Variants in SLF1 observed in about 807,000 individuals in gnomAD.
SLF1 encodes SMC5-SMC6 complex localization factor protein 1.
A neutral mutation model predicts 123.0 loss-of-function variants in SLF1; 105 were observed. The observed-to-expected ratio is 0.85, with a 90% CI of 0.73 to 1.00. The LOEUF is 1.00. Ranked by LOEUF, SLF1 falls within the 50% of genes least tolerant of loss-of-function variation. The pLI, the probability that SLF1 is intolerant of heterozygous loss-of-function variation, is 0.00. For synonymous variants in SLF1, 434 were observed against 406.6 expected (o/e 1.07, Z -0.81); for missense variants, 1,239 against 1,223.0 (o/e 1.01, Z -0.20).
chr5:94,649,178 C>G (rs1747398935), intron 5 of SLF1, among the ~76,000 whole-genome samples: 3 of 152,048 alleles, frequency 2.0e-5, no homozygotes, highest in Admixed American at 2.0e-4. Flanking sequence ...TATTTTTGTT[C>G]TTGGTTATTC....
intron 8 of SLF1, 147 bp downstream of exon 8, chr5:94,653,568 G>T (rs752757086): frequency 5.1e-5 from 34 of 664,460 alleles, no homozygotes; most frequent in Non-Finnish European, 7.7e-5. Flanking sequence ...AGTTAACTTT[G>T]GTTCACAGTA....
At position 94,678,526 on chromosome 5, in the gene SLF1, TAACA is replaced by T. The variant is rs1751369048; in HGVS notation, c.1828-278_1828-275del. On this transcript the variant is annotated intron_variant, in intron 14 of 20. Coordinates refer to ENST00000265140, the MANE Select transcript of SLF1 (RefSeq NM_032290.4). Reference sequence around the variant, plus strand: ...TCATTATTTTAATGGAATTATTTCCTAACAAACTTGATGGTATTGGATAAAATTA... The same window carrying T: ...TCATTATTTTAATGGAATTATTTCCTAACTTGATGGTATTGGATAAAATTA... 6 of 208,232 alleles carry T rather than the reference TAACA, an allele frequency of 2.9e-5. No homozygotes were observed. In the South Asian group the frequency reaches 4.5e-4, roughly 16 times the overall value. The allele number at this position is 208,232 out of a possible 1,614,324, so 12.9% of individuals were successfully genotyped here. A position where few individuals can be genotyped will look rare whatever the true frequency, so the allele number is the denominator to read the frequency against.
At position 94,695,567 on chromosome 5, in the gene SLF1, G is replaced by GT. The variant is rs1234304514; in HGVS notation, c.*262dup. 2 of 224,818 alleles carry GT rather than the reference G, an allele frequency of 8.9e-6. No individual in the cohort carries two copies. The highest frequency in any genetic ancestry group is 8.6e-6 in the Non-Finnish European group (1 of 116,302). The allele number at this position is 224,818 out of a possible 1,614,324, so 13.9% of individuals were successfully genotyped here. Reference sequence around the variant, plus strand: ...TTTAGTATATTCTACTTTCATTAATGTTTTTTTGTTCTGAAAGTGATATTA... The same window carrying GT: ...TTTAGTATATTCTACTTTCATTAATGTTTTTTTTGTTCTGAAAGTGATATTA... On this transcript the variant is annotated 3_prime_UTR_variant, in exon 21 of 21. Transcript: ENST00000265140.
chr5:94,620,428 A>T (rs371158602), intron 1 of SLF1, among the ~76,000 whole-genome samples: 1 of 152,388 alleles, frequency 6.6e-6, no homozygotes, highest in East Asian at 1.9e-4. Flanking sequence ...TACTTTTCAT[A>T]ATCAAAATTC....
At chr5:94,668,982 A>G (rs970252704) in intron 12 of SLF1, among the ~76,000 whole-genome samples, 8 of 152,206 alleles carry the variant, frequency 5.3e-5, no homozygotes, top group Admixed American at 5.2e-4. Context: ...CTGGAATGTA[A>G]GTACTTAATA....
chr5:94,697,420 G>A lies in SLF1; in HGVS notation c.*2108G>A, dbSNP rs999611569. The stretch of plus-strand genomic sequence containing the variant: ...GAAGAAGAAATTCTCAATAAGTAAA[G>A]TATAATTCATAGTCTTAGTCCTAGA... On this transcript the variant is annotated 3_prime_UTR_variant, in exon 21 of 21. Transcript: ENST00000265140. 3 of 151,848 alleles carry A rather than the reference G, an allele frequency of 2.0e-5. No homozygotes were observed. In the East Asian group the frequency reaches 5.8e-4, roughly 29 times the overall value. 9.4% of individuals were successfully genotyped at this position (151,848 alleles called of 1,614,324 possible).
chr5:94,643,670 A>G (rs557471193), intron 5 of SLF1, among the ~76,000 whole-genome samples: 2 of 152,272 alleles, frequency 1.3e-5, no homozygotes, highest in East Asian at 3.9e-4. Context: ...TTTTAATGTC[A>G]GTATAAATAA....
chr5:94,643,458 A>G (rs775925731), intron 5 of SLF1, 23 bp downstream of exon 5: 3 of 1,356,986 alleles, frequency 2.2e-6, no homozygotes, highest in South Asian at 3.2e-5. Context: ...AATAGTAAAC[A>G]TTTTATTTTG....
intron 4 of SLF1, among the ~76,000 whole-genome samples, chr5:94,642,666 C>G (rs976905470): frequency 1.3e-5 from 2 of 152,182 alleles, no homozygotes; most frequent in Non-Finnish European, 2.9e-5. Context: ...AAAGCCTAAG[C>G]AGAAGCAGAA....
chr5:94,643,673 A>G (rs1746693719), intron 5 of SLF1, among the ~76,000 whole-genome samples: 1 of 152,132 alleles, frequency 6.6e-6, no homozygotes, highest in Admixed American at 6.6e-5. Flanking sequence ...TAATGTCAGT[A>G]TAAATAAAGT....
intron 18 of SLF1, among the ~76,000 whole-genome samples, chr5:94,690,646 C>T (rs1752960656): frequency 6.6e-6 from 1 of 152,066 alleles, no homozygotes; most frequent in Non-Finnish European, 1.5e-5. Flanking sequence ...TAAAACTGAA[C>T]ACTGTAAAAA....
At chr5:94,644,928 T>G (rs533403369) in intron 5 of SLF1, among the ~76,000 whole-genome samples, 1 of 152,318 alleles carries the variant, frequency 6.6e-6, no homozygotes, top group Admixed American at 6.5e-5. Context: ...TATTTGTTAA[T>G]AGAGAATTTG....
intron 15 of SLF1, among the ~76,000 whole-genome samples, chr5:94,686,118 C>T (rs1752404983): frequency 6.6e-6 from 1 of 152,160 alleles, no homozygotes; most frequent in Non-Finnish European, 1.5e-5. Context: ...TCATAGGAAG[C>T]AGTCTACTTT....
At chr5:94,648,964 A>T (rs1056315547) in intron 5 of SLF1, among the ~76,000 whole-genome samples, 1 of 152,208 alleles carries the variant, frequency 6.6e-6, no homozygotes, top group Non-Finnish European at 1.5e-5. Context: ...GTTGTTTGAG[A>T]TAGAGCTACA....
At chr5:94,651,883 A>T in intron 7 of SLF1, 38 bp downstream of exon 7, 1 of 1,110,986 alleles carries the variant, frequency 9.0e-7, no homozygotes, top group Non-Finnish European at 1.2e-6. Context: ...TATTTTTAAT[A>T]TATATAGTGT....
At position 94,630,693 on chromosome 5, in the gene SLF1, G is replaced by C; in HGVS notation, c.381G>C (p.Trp127Cys). 3 of 1,551,664 alleles carry C rather than the reference G, an allele frequency of 1.9e-6. No homozygotes were observed. Among genetic ancestry groups the C allele is most frequent in the Non-Finnish European group, 2.6e-6 (3 of 1,146,976 alleles). The change falls in exon 4 of 21, where the codon TGG (tryptophan) becomes TGC (cysteine). Residue 127 changes from tryptophan (W) to cysteine (C), a missense_variant. Physicochemically the swap from Trp to Cys is radical, Grantham distance 215. Transcript: ENST00000265140. Reference protein sequence around the residue: ...RTGAPGAFHRWKVVLLVRTDK... With the variant: ...RTGAPGAFHRCKVVLLVRTDK... The stretch of plus-strand genomic sequence containing the variant: ...GTGCTCCAGGAGCCTTCCACAGATG[G>C]AAAGTTGTCCTCCTTGTTAGAACTG...
intron 4 of SLF1, among the ~76,000 whole-genome samples, chr5:94,635,599 A>G (rs938472870): frequency 6.6e-6 from 1 of 151,776 alleles, no homozygotes; most frequent in Non-Finnish European, 1.5e-5. Context: ...TGTATCTAGT[A>G]GAGATTTTCC....
intron 4 of SLF1, among the ~76,000 whole-genome samples, chr5:94,634,917 G>A (rs1561426411): frequency 6.6e-6 from 1 of 152,124 alleles, no homozygotes; most frequent in Non-Finnish European, 1.5e-5. Flanking sequence ...ATTGAGTTGA[G>A]TTCCTTGTAT....
At chr5:94,654,366 T>G (rs960268288) in intron 8 of SLF1, among the ~76,000 whole-genome samples, 1 of 146,488 alleles carries the variant, frequency 6.8e-6, no homozygotes, top group African/African-American at 2.5e-5. Flanking sequence ...GTACATATGT[T>G]GGCAGGAGCA....
Sources: allele counts gnomAD v4.1 joint callset (sites outside exome capture counted in the v4.1 genomes callset), GRCh38; gene constraint gnomAD v4.1.1; transcripts MANE v1.5; gene names NCBI Gene and HGNC (gene_info 2026-07-23, HGNC 2026-07-21).